Variants in INPP4B observed in about 807,000 individuals in gnomAD.
The protein encoded by INPP4B is inositol polyphosphate 4-phosphatase type II.
INPP4B carries 55 observed loss-of-function variants against 122.5 expected under a neutral mutation model. That is an observed-to-expected ratio of 0.45 (90% CI 0.36 to 0.56). INPP4B has a LOEUF of 0.56. INPP4B is among the 20% of genes least tolerant of loss of function. The probability of loss-of-function intolerance (pLI) is 0.00; values close to 1 mark genes in which losing one functional copy is unlikely to be tolerated. For missense variants in INPP4B, 1,000 were observed against 1,097.7 expected, an observed-to-expected ratio of 0.91 and a Z score of 1.26; for synonymous variants, 403 against 388.7, an observed-to-expected ratio of 1.04 and a Z score of -0.43.
intron 6 of INPP4B, 79 bp downstream of exon 6, chr4:142,405,127 G>A (rs1439950078): frequency 1.4e-6 from 1 of 709,136 alleles, no homozygotes; most frequent in Non-Finnish European, 2.4e-6. Context: ...GTGGGGGGGA[G>A]GGAGAGAGAG....
intron 7 of INPP4B, among the ~76,000 whole-genome samples, chr4:142,345,020 G>T (rs1056804210): frequency 1.1e-4 from 17 of 151,782 alleles, no homozygotes; most frequent in Admixed American, 5.3e-4. Context: ...ATTTGATTTG[G>T]GTAGAAGTGC....
At chr4:142,720,490 G>A (rs962757911) in intron 2 of INPP4B, among the ~76,000 whole-genome samples, 2 of 151,482 alleles carry the variant, frequency 1.3e-5, no homozygotes, top group Non-Finnish European at 2.9e-5. Context: ...TATATAAAAC[G>A]GCATAGTCTT....
chr4:142,750,488 C>T (rs960649225), intron 1 of INPP4B, among the ~76,000 whole-genome samples: 1 of 152,050 alleles, frequency 6.6e-6, no homozygotes, highest in Non-Finnish European at 1.5e-5. Context: ...AAGGATGTCT[C>T]TTTCACTAAA....
At chr4:142,818,687 G>T (rs1480957887) in intron 1 of INPP4B, among the ~76,000 whole-genome samples, 1 of 151,976 alleles carries the variant, frequency 6.6e-6, no homozygotes, top group African/African-American at 2.4e-5. Flanking sequence ...GCCTCTATAC[G>T]CTTTCAAGTG....
chr4:142,449,617 G>A (rs1050625981), intron 3 of INPP4B, among the ~76,000 whole-genome samples: 2 of 151,762 alleles, frequency 1.3e-5, no homozygotes, highest in African/African-American at 2.4e-5. Flanking sequence ...CAGGAGAATC[G>A]CTTGAACCTG....
chr4:142,145,952 A>C lies in INPP4B; in HGVS notation c.1608T>G (p.Ile536Met). The C allele has an allele frequency of 6.2e-7, 1 of 1,613,882 alleles. No individual in the cohort carries two copies. Residue 536 changes from isoleucine (I) to methionine (M), a missense_variant, in exon 18 of 26, where the codon ATT becomes ATG. Transcript: ENST00000262992. ...ANVGKSLNCI[I>M]AMVDKLIERD... ...TTTCAATCAGTTTGTCCACCATAGC[A>C]ATAATGCAGTTCAGGCTCTTCCCCA...
At chr4:142,700,982 G>T (rs1490579468) in intron 2 of INPP4B, among the ~76,000 whole-genome samples, 2 of 152,056 alleles carry the variant, frequency 1.3e-5, no homozygotes, top group African/African-American at 4.8e-5. Context: ...AAAAGAAACA[G>T]GCTCTGGCTA....
chr4:142,592,907 C>A (rs1438777935), intron 2 of INPP4B, among the ~76,000 whole-genome samples: 1 of 151,892 alleles, frequency 6.6e-6, no homozygotes, highest in Non-Finnish European at 1.5e-5. Context: ...TCAAGACCAG[C>A]CTGGGCAACA....
chr4:142,548,506 T>C (rs1456418865), intron 2 of INPP4B, among the ~76,000 whole-genome samples: 1 of 152,150 alleles, frequency 6.6e-6, no homozygotes, highest in Non-Finnish European at 1.5e-5. Flanking sequence ...TGACATGAAG[T>C]TAACATATTA....
At chr4:142,134,108 TAA>T (rs2152801178) in intron 18 of INPP4B, among the ~76,000 whole-genome samples, 2 of 152,342 alleles carry the variant, frequency 1.3e-5, no homozygotes, top group East Asian at 3.9e-4. Context: ...CCTCAGGGTC[TAA>T]AACAGTGCCT....
chr4:142,042,554 GTATGTATT>G (rs548800628), intron 25 of INPP4B, among the ~76,000 whole-genome samples: 1,879 of 32,668 alleles, frequency 0.058, 26 homozygotes, highest in Admixed American at 0.21. Flanking sequence ...ATGTATGTAT[GTATGTATT>G]TATTTATTTA....
At chr4:142,813,185 A>G (rs1779726930) in intron 1 of INPP4B, among the ~76,000 whole-genome samples, 1 of 152,220 alleles carries the variant, frequency 6.6e-6, no homozygotes, top group African/African-American at 2.4e-5. Context: ...GCCAATAATG[A>G]GTTAAAATGA....
At chr4:142,055,518 T>G (rs777383280) in intron 25 of INPP4B, among the ~76,000 whole-genome samples, 3 of 152,120 alleles carry the variant, frequency 2.0e-5, no homozygotes, top group Non-Finnish European at 2.9e-5. Flanking sequence ...TTTCATTACA[T>G]TCTTAAAATT....
chr4:142,294,938 A>T (rs1758023014), intron 9 of INPP4B, among the ~76,000 whole-genome samples: 1 of 151,456 alleles, frequency 6.6e-6, no homozygotes, highest in Non-Finnish European at 1.5e-5. Flanking sequence ...TTCACTGAGG[A>T]AAGAGGAGTG....
chr4:142,444,408 C>G (rs539158591), intron 3 of INPP4B, among the ~76,000 whole-genome samples: 33 of 152,146 alleles, frequency 2.2e-4, no homozygotes, highest in African/African-American at 7.7e-4. Flanking sequence ...ATGAAAAAAA[C>G]CTCATCTTTA....
At chr4:142,311,737 A>G (rs573762362) in intron 8 of INPP4B, among the ~76,000 whole-genome samples, 5 of 152,188 alleles carry the variant, frequency 3.3e-5, no homozygotes, top group South Asian at 2.1e-4. Context: ...GCGCTCCCCA[A>G]TACTATGTAA....
At chr4:142,624,133 G>T (rs1434255849) in intron 2 of INPP4B, among the ~76,000 whole-genome samples, 1 of 151,188 alleles carries the variant, frequency 6.6e-6, no homozygotes, top group East Asian at 2.0e-4. Context: ...AGATCTCTGA[G>T]GAATCGCCAC....
chr4:142,172,300 CTT>C (rs1826014805), intron 16 of INPP4B, among the ~76,000 whole-genome samples: 1 of 151,978 alleles, frequency 6.6e-6, no homozygotes, highest in Non-Finnish European at 1.5e-5. Flanking sequence ...AGCTGCATGA[CTT>C]TTCACATTTT....
At chr4:142,201,353 C>CA (rs1316405478) in intron 14 of INPP4B, among the ~76,000 whole-genome samples, 1 of 152,066 alleles carries the variant, frequency 6.6e-6, no homozygotes, top group Non-Finnish European at 1.5e-5. Flanking sequence ...ACTGGTCACT[C>CA]AAATTGTTAA....
Sources: gnomAD v4.1 joint callset for allele counts (sites outside exome capture counted in the v4.1 genomes callset) on GRCh38, gnomAD v4.1.1 for gene constraint, MANE v1.5 for transcripts, NCBI Gene and HGNC (gene_info 2026-07-23, HGNC 2026-07-21) for gene names.